Variants in SDCCAG8 observed in about 807,000 individuals in gnomAD.
SDCCAG8 encodes SHH signaling and ciliogenesis regulator SDCCAG8.
In SDCCAG8, 74 loss-of-function variants were observed where a neutral mutation model predicts 101.8. The ratio of observed to expected loss-of-function variants is 0.73; its 90% CI spans 0.60 to 0.88. The LOEUF (loss-of-function observed/expected upper bound fraction) is 0.88, where lower values mean the gene tolerates loss of function less well. SDCCAG8 is among the 40% of genes least tolerant of loss of function. The pLI, the probability that SDCCAG8 is intolerant of heterozygous loss-of-function variation, is 0.00. For synonymous variants in SDCCAG8, 281 were observed against 292.9 expected (o/e 0.96, Z 0.41); for missense variants, 787 against 822.6 (o/e 0.96, Z 0.53).
At chr1:243,424,207 AT>A (rs2081196660) in intron 15 of SDCCAG8, among the ~76,000 whole-genome samples, 1 of 151,732 alleles carries the variant, frequency 6.6e-6, no homozygotes, top group Non-Finnish European at 1.5e-5. Context: ...ATTGATTTTA[AT>A]TAATAAGCTT....
chr1:243,268,883 G>T (rs2067849073), intron 1 of SDCCAG8, among the ~76,000 whole-genome samples: 1 of 152,084 alleles, frequency 6.6e-6, no homozygotes, highest in South Asian at 2.1e-4. Flanking sequence ...GAGTCCTCTG[G>T]AGGACTGGGC....
chr1:243,395,589 C>T (rs948914060), intron 13 of SDCCAG8, among the ~76,000 whole-genome samples: 6 of 152,098 alleles, frequency 3.9e-5, no homozygotes, highest in Non-Finnish European at 8.8e-5. Flanking sequence ...ATTTATATGA[C>T]ACTGGGTATT....
rs569210691 is a variant in SDCCAG8, at chr1:243,333,920, T to TATATAGCC, written c.1221+3229_1221+3236dup. Among the ~76,000 whole-genome samples the TATATAGCC allele has an allele frequency of 3.3e-3, 499 of 152,310 alleles. 4 individuals carry two copies. Among genetic ancestry groups the TATATAGCC allele is most frequent in the Non-Finnish European group, 4.1e-3 (279 of 68,020 alleles). The stretch of plus-strand genomic sequence containing the variant: ...AGTACTATAGCTTGAATTCCATGTA[T>TATATAGCC]ATATAGCCTTAGGACCTAAAGCTTC... On this transcript the variant is annotated intron_variant, in intron 10 of 17. Coordinates refer to ENST00000366541, the MANE Select transcript of SDCCAG8 (RefSeq NM_006642.5).
At chr1:243,293,382 A>T (rs769752045) in intron 6 of SDCCAG8, 163 bp downstream of exon 6, 2 of 798,686 alleles carry the variant, frequency 2.5e-6, no homozygotes, top group South Asian at 2.9e-5. Flanking sequence ...TCAATCATAA[A>T]CATTATCCAT....
chr1:243,304,673 G>A (rs1354140966), intron 6 of SDCCAG8, 40 bp from the exon 7 acceptor site: 1 of 1,078,222 alleles, frequency 9.3e-7, no homozygotes, highest in East Asian at 2.4e-5. Context: ...TAAAATACAG[G>A]ACATAGAGAA....
At chr1:243,298,783 A>G (rs978127752) in intron 6 of SDCCAG8, among the ~76,000 whole-genome samples, 2 of 152,162 alleles carry the variant, frequency 1.3e-5, no homozygotes, top group African/African-American at 4.8e-5. Flanking sequence ...TAAGTTGTCC[A>G]TATATATTTG....
chr1:243,429,550 G>A (rs964720321), intron 16 of SDCCAG8, among the ~76,000 whole-genome samples: 2 of 151,970 alleles, frequency 1.3e-5, no homozygotes, highest in Admixed American at 1.3e-4. Flanking sequence ...AAGGGAACTT[G>A]TTTTTTAAAA....
intron 10 of SDCCAG8, among the ~76,000 whole-genome samples, chr1:243,335,919 C>A (rs2074975252): frequency 6.6e-6 from 1 of 152,206 alleles, no homozygotes; most frequent in South Asian, 2.1e-4. Flanking sequence ...CGTTAATTCA[C>A]TTAGGACTAC....
chr1:243,436,514 C>G (rs1249365533), intron 16 of SDCCAG8, among the ~76,000 whole-genome samples: 2 of 152,158 alleles, frequency 1.3e-5, no homozygotes, highest in Non-Finnish European at 2.9e-5. Flanking sequence ...TATTCTACTA[C>G]TTTTGCTGTT....
intron 16 of SDCCAG8, among the ~76,000 whole-genome samples, chr1:243,447,506 G>T (rs190342692): frequency 4.2e-4 from 64 of 152,018 alleles, no homozygotes; most frequent in Middle Eastern, 3.4e-3. Flanking sequence ...GTGTGTGTGT[G>T]CCTGCGCACG....
chr1:243,348,414 A>G (rs1316514187), intron 12 of SDCCAG8, among the ~76,000 whole-genome samples: 1 of 151,460 alleles, frequency 6.6e-6, no homozygotes, highest in Non-Finnish European at 1.5e-5. Flanking sequence ...ACTTGACTCA[A>G]TCCTCTCTAA....
Position 243,489,106 on chromosome 1 carries a change from G to T in SDCCAG8, c.2078G>T (p.Ser693Ile). Residue 693 changes from serine (S) to isoleucine (I), a missense_variant, in exon 17 of 18, where the codon AGC becomes ATC. Coordinates refer to ENST00000366541, the MANE Select transcript of SDCCAG8 (RefSeq NM_006642.5). ...KQNQLLLERQ[S>I]LSEEVDRLRT... ...AACCAGCTTCTCCTGGAGAGGCAGA[G>T]CCTGTCGGAAGAGGTGGACCGGCTG... is the stretch of plus-strand genomic sequence containing the variant. 6.2e-7 allele frequency: 1 copy of T among 1,613,128 alleles called. No individual in the cohort carries two copies. The highest frequency in any genetic ancestry group is 1.3e-5 in the African/African-American group (1 of 75,072).
At chr1:243,463,147 G>A (rs1483196661) in intron 16 of SDCCAG8, among the ~76,000 whole-genome samples, 1 of 152,166 alleles carries the variant, frequency 6.6e-6, no homozygotes, top group East Asian at 1.9e-4. Flanking sequence ...TGGATGCTAT[G>A]GGTACCAGCA....
At position 243,296,691 on chromosome 1, in the gene SDCCAG8, C is replaced by G. The variant is rs1482399211; in HGVS notation, c.675+3472C>G. Reference sequence around the variant, plus strand: ...CCGAGTAGCTGGGACTACAGGCGCCCGCCACTGCGCCCGGCTAATTTTTTT... The same window carrying G: ...CCGAGTAGCTGGGACTACAGGCGCCGGCCACTGCGCCCGGCTAATTTTTTT... On this transcript the variant is annotated intron_variant, in intron 6 of 17. Coordinates refer to ENST00000366541, the MANE Select transcript of SDCCAG8 (RefSeq NM_006642.5). Among the ~76,000 whole-genome samples the G allele has an allele frequency of 9.9e-5, 15 of 151,544 alleles. No homozygotes were observed. The East Asian group carries it at 1.4e-3, about 14-fold the overall frequency.
chr1:243,433,082 G>A (rs187707658), intron 16 of SDCCAG8, among the ~76,000 whole-genome samples: 219 of 152,190 alleles, frequency 1.4e-3, no homozygotes, highest in Non-Finnish European at 2.5e-3. Flanking sequence ...CGTTGCCATC[G>A]CAGCAGCTGT....
chr1:243,457,211 T>C (rs1160390046), intron 16 of SDCCAG8, among the ~76,000 whole-genome samples: 1 of 152,214 alleles, frequency 6.6e-6, no homozygotes, highest in Non-Finnish European at 1.5e-5. Flanking sequence ...TAAATATTCA[T>C]ATTCAGAATA....
chr1:243,290,662 C>T (rs1457936353), intron 5 of SDCCAG8, among the ~76,000 whole-genome samples: 3 of 152,174 alleles, frequency 2.0e-5, no homozygotes, highest in Non-Finnish European at 2.9e-5. Context: ...CTGCAGGCAC[C>T]ATGCTATTCC....
intron 13 of SDCCAG8, among the ~76,000 whole-genome samples, chr1:243,397,535 T>C (rs1411359736): frequency 1.3e-5 from 2 of 152,234 alleles, no homozygotes; most frequent in Non-Finnish European, 2.9e-5. Flanking sequence ...TGTTCACATA[T>C]GGAAAGCAAA....
At chr1:243,447,322 C>T (rs979788589) in intron 16 of SDCCAG8, among the ~76,000 whole-genome samples, 23 of 148,014 alleles carry the variant, frequency 1.6e-4, no homozygotes, top group African/African-American at 4.0e-4. Context: ...TAAGTCTCAT[C>T]GCTAAATGAG....
Sources: allele counts gnomAD v4.1 joint callset (sites outside exome capture counted in the v4.1 genomes callset), GRCh38; gene constraint gnomAD v4.1.1; transcripts MANE v1.5; gene names NCBI Gene and HGNC (gene_info 2026-07-23, HGNC 2026-07-21).